The following OPCML variants were observed in gnomAD, a reference collection of about 807,000 sequenced individuals.
The protein encoded by OPCML is opioid-binding protein/cell adhesion molecule.
OPCML carries 13 observed loss-of-function variants against 37.8 expected under a neutral mutation model. The observed-to-expected ratio is 0.34, with a 90% CI of 0.22 to 0.55. The LOEUF is 0.55. Among genes scored for constraint, OPCML ranks in the 20% least tolerant of loss-of-function variants. OPCML has a pLI of 0.91. For missense variants in OPCML, 341 were observed against 435.6 expected (o/e 0.78, Z 1.93); for synonymous variants, 176 against 168.8 (o/e 1.04, Z -0.33).
intron 2 of OPCML, among the ~76,000 whole-genome samples, chr11:132,754,362 G>A (rs1565835424): frequency 6.6e-6 from 1 of 152,092 alleles, no homozygotes; most frequent in Non-Finnish European, 1.5e-5. Flanking sequence ...AGTCTCACAA[G>A]ATCTGACGGT....
chr11:133,000,708 G>GA (rs1234098380), intron 1 of OPCML, among the ~76,000 whole-genome samples: 4 of 152,112 alleles, frequency 2.6e-5, no homozygotes, highest in African/African-American at 9.7e-5. Context: ...CACAATTAGA[G>GA]AAAAAAGATG....
At chr11:133,159,636 C>T (rs185487785) in intron 1 of OPCML, among the ~76,000 whole-genome samples, 60 of 152,292 alleles carry the variant, frequency 3.9e-4, no homozygotes, top group Admixed American at 1.3e-3. Context: ...ATCTGTATTG[C>T]GTAGAGAAGG....
At chr11:132,762,019 G>T (rs117087213) in intron 2 of OPCML, among the ~76,000 whole-genome samples, 2,717 of 152,258 alleles carry the variant, frequency 0.018, 40 homozygotes, top group Non-Finnish European at 0.031. Context: ...TGTTGATGTT[G>T]ATGCTCTCGC....
chr11:133,265,445 C>A (rs1245279015), intron 1 of OPCML, among the ~76,000 whole-genome samples: 1 of 152,174 alleles, frequency 6.6e-6, no homozygotes, highest in Non-Finnish European at 1.5e-5. Flanking sequence ...TCTGCTACTG[C>A]AACTTCCTGT....
intron 1 of OPCML, chr11:133,026,071 C>G: frequency 2.0e-6 from 2 of 985,276 alleles, no homozygotes; most frequent in Non-Finnish European, 2.4e-6. Context: ...TTTCTCTCAT[C>G]ATGACTTGAT....
intron 4 of OPCML, among the ~76,000 whole-genome samples, chr11:132,459,387 T>TTCTC (rs146884367): frequency 7.0e-6 from 1 of 143,124 alleles, no homozygotes; most frequent in African/African-American, 2.6e-5. Context: ...GCCAATTCCT[T>TTCTC]TCTCTCTCTC....
chr11:132,866,140 A>G (rs1052071531), intron 2 of OPCML, among the ~76,000 whole-genome samples: 3 of 152,230 alleles, frequency 2.0e-5, no homozygotes, highest in Non-Finnish European at 2.9e-5. Flanking sequence ...GCGATCTCAA[A>G]TTATAGGTAG....
intron 1 of OPCML, among the ~76,000 whole-genome samples, chr11:133,229,925 A>G (rs1162627034): frequency 6.6e-6 from 1 of 152,164 alleles, no homozygotes; most frequent in Non-Finnish European, 1.5e-5. Flanking sequence ...TGAATACATC[A>G]TTTGTTGTCT....
intron 1 of OPCML, among the ~76,000 whole-genome samples, chr11:133,390,147 A>G (rs1380498542): frequency 6.6e-6 from 1 of 152,194 alleles, no homozygotes; most frequent in African/African-American, 2.4e-5. Context: ...GAACATCTGT[A>G]CGTTTACCTA....
At chr11:132,932,649 T>C (rs1375644526) in intron 2 of OPCML, among the ~76,000 whole-genome samples, 1 of 150,336 alleles carries the variant, frequency 6.7e-6, no homozygotes, top group Non-Finnish European at 1.5e-5. Flanking sequence ...GGGTACCCAA[T>C]AAATGCTGCA....
At chr11:133,184,336 A>T (rs1192192461) in intron 1 of OPCML, among the ~76,000 whole-genome samples, 1 of 152,160 alleles carries the variant, frequency 6.6e-6, no homozygotes, top group Non-Finnish European at 1.5e-5. Context: ...GGAGGAGTTT[A>T]CTTTTTATGG....
chr11:132,450,616 G>C (rs796645879), intron 4 of OPCML, among the ~76,000 whole-genome samples: 11 of 151,982 alleles, frequency 7.2e-5, no homozygotes, highest in African/African-American at 2.7e-4. Context: ...ATCGTATCCT[G>C]AGAGTAAGTC....
At chr11:132,435,066 G>C in intron 7 of OPCML, 1 of 640,930 alleles carries the variant, frequency 1.6e-6, no homozygotes, top group Non-Finnish European at 2.5e-6. Flanking sequence ...AATTACAGAG[G>C]TGAAGCAGGC....
At chr11:133,157,896 A>C (rs1433216447) in intron 1 of OPCML, among the ~76,000 whole-genome samples, 1 of 152,176 alleles carries the variant, frequency 6.6e-6, no homozygotes, top group Non-Finnish European at 1.5e-5. Flanking sequence ...CTCCAAAAAC[A>C]TATCATTCTG....
At chr11:132,704,910 G>T (rs1419410150) in intron 2 of OPCML, among the ~76,000 whole-genome samples, 2 of 152,202 alleles carry the variant, frequency 1.3e-5, no homozygotes, top group Admixed American at 1.3e-4. Context: ...AAAACAGAAG[G>T]TTAACATCAG....
intron 1 of OPCML, among the ~76,000 whole-genome samples, chr11:133,482,900 C>CA (rs775073499): frequency 2.0e-5 from 3 of 151,822 alleles, no homozygotes; most frequent in Non-Finnish European, 4.4e-5. Context: ...AAATGTTACA[C>CA]AAAAAATATA....
At chr11:132,880,331 C>T (rs910601863) in intron 2 of OPCML, among the ~76,000 whole-genome samples, 3 of 152,240 alleles carry the variant, frequency 2.0e-5, no homozygotes, top group Non-Finnish European at 4.4e-5. Flanking sequence ...AATTGCTCCA[C>T]TCTGTCTGTG....
chr11:133,127,927 G>A (rs1332698016), intron 1 of OPCML, among the ~76,000 whole-genome samples: 2 of 152,134 alleles, frequency 1.3e-5, no homozygotes, highest in East Asian at 3.9e-4. Flanking sequence ...CAGAAGACGG[G>A]ATGATTATGC....
chr11:133,308,193 A>G (rs1942974408), intron 1 of OPCML, among the ~76,000 whole-genome samples: 1 of 152,196 alleles, frequency 6.6e-6, no homozygotes, highest in African/African-American at 2.4e-5. Flanking sequence ...GTGAACAAAA[A>G]TCACCAGCAA....
Sources: gnomAD v4.1 joint callset for allele counts (sites outside exome capture counted in the v4.1 genomes callset) on GRCh38, gnomAD v4.1.1 for gene constraint, MANE v1.5 for transcripts, NCBI Gene and HGNC (gene_info 2026-07-23, HGNC 2026-07-21) for gene names.